CCDC179: variants seen among roughly 807,000 people sequenced by gnomAD.
CCDC179 encodes the protein coiled-coil domain-containing protein 179.
Under a neutral mutation model 12.0 loss-of-function variants are expected in CCDC179, and 17 were observed. That is an observed-to-expected ratio of 1.42 (90% CI 0.97 to 2.13). The LOEUF is 2.13. Among genes scored for constraint, CCDC179 ranks in the 30% most tolerant of loss-of-function variants. The probability of loss-of-function intolerance (pLI) is 0.00; values close to 1 mark genes in which losing one functional copy is unlikely to be tolerated. For missense variants in CCDC179, 83 were observed against 78.6 expected (o/e 1.06, Z -0.21); for synonymous variants, 27 against 26.4 (o/e 1.02, Z -0.07).
intron 3 of CCDC179, among the ~76,000 whole-genome samples, chr11:22,852,447 G>T (rs928163899): frequency 3.9e-5 from 6 of 152,248 alleles, no homozygotes; most frequent in African/African-American, 1.4e-4. Context: ...CATTATTCTG[G>T]AGGTCACAAG....
intron 2 of CCDC179, among the ~76,000 whole-genome samples, chr11:22,858,695 T>C (rs1316189460): frequency 6.6e-6 from 1 of 152,082 alleles, no homozygotes; most frequent in East Asian, 1.9e-4. Context: ...TTGCTTTTCC[T>C]ATGATTCAAC....
intron 3 of CCDC179, among the ~76,000 whole-genome samples, chr11:22,848,689 A>G (rs1034410913): frequency 6.6e-6 from 1 of 152,192 alleles, no homozygotes; most frequent in Admixed American, 6.5e-5. Flanking sequence ...AAATGAGAAG[A>G]GGGCATTAGT....
At chr11:22,859,576 C>T in intron 1 of CCDC179, 80 bp from the exon 2 acceptor site, 1 of 754,960 alleles carries the variant, frequency 1.3e-6, no homozygotes. Context: ...AATAGGAAGC[C>T]TATGCTACTT....
chr11:22,848,073 C>T (rs1267206499), intron 3 of CCDC179, among the ~76,000 whole-genome samples: 1 of 151,998 alleles, frequency 6.6e-6, no homozygotes, highest in Non-Finnish European at 1.5e-5. Flanking sequence ...GAAATTTAAC[C>T]TTAAAATAAT....
rs1858253482 is a variant in CCDC179, at chr11:22,847,572, A to G, written c.196-51T>C. ...AATAAGAAATTTAATTAAAATTTAT[A>G]TAAGGAAAGATTAGATATACTATAA... On this transcript the variant is annotated intron_variant, in intron 3 of 3. Transcript: ENST00000532798. 21 of 1,002,220 alleles carry G rather than the reference A, an allele frequency of 2.1e-5. No individual in the cohort carries two copies. In the Admixed American group the frequency reaches 5.4e-4, roughly 26 times the overall value. The allele number at this position is 1,002,220 out of a possible 1,614,324, so 62.1% of individuals were successfully genotyped here.
intron 3 of CCDC179, among the ~76,000 whole-genome samples, chr11:22,856,433 T>A (rs1313945681): frequency 6.6e-6 from 1 of 151,508 alleles, no homozygotes; most frequent in Non-Finnish European, 1.5e-5. Flanking sequence ...ATCAACAATG[T>A]ATAATAAGAA....
rs746460232 is a variant in CCDC179, at chr11:22,847,505, CT to C, written c.*4del. 28 of 1,434,914 alleles carry C rather than the reference CT, an allele frequency of 2.0e-5. No individual in the cohort carries two copies. The South Asian group carries it at 2.8e-4, about 14-fold the overall frequency. 88.9% of individuals were successfully genotyped at this position (1,434,914 alleles called of 1,614,324 possible). On this transcript the variant is annotated 3_prime_UTR_variant, in exon 4 of 4. Transcript: ENST00000532798. ...ATGGTTTCCTTCAAATAGACTCCTG[CT>C]TTATCAAGATGACCACTAGACAAGA...
chr11:22,849,772 G>A (rs1163343947), intron 3 of CCDC179, among the ~76,000 whole-genome samples: 3 of 152,106 alleles, frequency 2.0e-5, no homozygotes, highest in Non-Finnish European at 4.4e-5. Context: ...CAGCTACATT[G>A]TCTGGGGTAG....
intron 3 of CCDC179, among the ~76,000 whole-genome samples, chr11:22,851,255 T>C (rs1419030162): frequency 1.3e-5 from 2 of 151,732 alleles, no homozygotes; most frequent in African/African-American, 4.8e-5. Context: ...TGGCAATGTG[T>C]AAGTTCCCTT....
At chr11:22,849,715 C>T (rs1380580951) in intron 3 of CCDC179, among the ~76,000 whole-genome samples, 1 of 152,100 alleles carries the variant, frequency 6.6e-6, no homozygotes, top group East Asian at 1.9e-4. Flanking sequence ...CATTCTTATG[C>T]CTTTGCAACC....
intron 3 of CCDC179, among the ~76,000 whole-genome samples, chr11:22,851,486 G>C (rs1301293654): frequency 6.6e-6 from 1 of 152,200 alleles, no homozygotes; most frequent in Non-Finnish European, 1.5e-5. Flanking sequence ...TTTATTTGCA[G>C]CTAGGGGTGG....
At chr11:22,850,960 A>ATTTTTTTTT (rs1564915042) in intron 3 of CCDC179, among the ~76,000 whole-genome samples, 1 of 6,714 alleles carries the variant, frequency 1.5e-4, no homozygotes, top group Non-Finnish European at 6.1e-4. Flanking sequence ...ATATATATAT[A>ATTTTTTTTT]TATATATATA....
In CCDC179 at chr11:22,857,480, T is replaced by G. The variant is rs1858554508; in HGVS notation, c.195+442A>C. Among the ~76,000 whole-genome samples, 4 of 151,858 alleles carry G rather than the reference T, an allele frequency of 2.6e-5. No homozygotes were observed. The East Asian group carries it at 7.7e-4, about 29-fold the overall frequency. ...CATGAAAATGATAATGATAATAATC[T>G]GGACACTGACACCTTTCAGTAACAT... On this transcript the variant is annotated intron_variant, in intron 3 of 3. Transcript: ENST00000532798.
At chr11:22,859,961 C>T (rs138216941) in intron 1 of CCDC179, among the ~76,000 whole-genome samples, 207 of 152,294 alleles carry the variant, frequency 1.4e-3, no homozygotes, top group African/African-American at 4.5e-3. Flanking sequence ...TCGAGATTCT[C>T]ACCACTTCCT....
intron 2 of CCDC179, 54 bp from the exon 3 acceptor site, chr11:22,858,080 G>T: frequency 8.9e-7 from 1 of 1,118,154 alleles, no homozygotes; most frequent in Non-Finnish European, 1.2e-6. Context: ...ACATATAAAG[G>T]TAACATTCTG....
intron 3 of CCDC179, among the ~76,000 whole-genome samples, chr11:22,852,568 T>G (rs765506328): frequency 6.6e-6 from 1 of 152,200 alleles, no homozygotes; most frequent in African/African-American, 2.4e-5. Flanking sequence ...GACCCAAGAC[T>G]CTTAGCTCAA....
intron 3 of CCDC179, among the ~76,000 whole-genome samples, chr11:22,848,200 T>A (rs1831810722): frequency 6.6e-6 from 1 of 152,192 alleles, no homozygotes; most frequent in Non-Finnish European, 1.5e-5. Flanking sequence ...TCCCCACATT[T>A]TGGGAGGCGG....
chr11:22,848,739 AAGAG>A (rs1858295686), intron 3 of CCDC179, among the ~76,000 whole-genome samples: 2 of 152,232 alleles, frequency 1.3e-5, no homozygotes, highest in Admixed American at 1.3e-4. Context: ...CAAAATGTAT[AAGAG>A]ATGAAAAGGT....
chr11:22,857,887 T>G, intron 3 of CCDC179, 35 bp downstream of exon 3: 43 of 1,055,166 alleles, frequency 4.1e-5, no homozygotes, highest in Middle Eastern at 2.5e-4. Context: ...TTGCATTTAA[T>G]GATCTGTTAA....
Sources: gnomAD v4.1 joint callset for allele counts (sites outside exome capture counted in the v4.1 genomes callset) on GRCh38, gnomAD v4.1.1 for gene constraint, MANE v1.5 for transcripts, NCBI Gene and HGNC (gene_info 2026-07-23, HGNC 2026-07-21) for gene names.